The following PPFIA2 variants were observed in gnomAD, a reference collection of about 807,000 sequenced individuals.
PPFIA2 encodes liprin-alpha-2.
A neutral mutation model predicts 175.5 loss-of-function variants in PPFIA2; 46 were observed. The ratio of observed to expected loss-of-function variants is 0.26; its 90% CI spans 0.21 to 0.34. PPFIA2 has a LOEUF of 0.34. Among genes scored for constraint, PPFIA2 ranks in the 10% least tolerant of loss-of-function variants. The pLI, the probability that PPFIA2 is intolerant of heterozygous loss-of-function variation, is 1.00. For synonymous variants in PPFIA2, 568 were observed against 511.4 expected, an observed-to-expected ratio of 1.11 and a Z score of -1.49; for missense variants, 1,179 against 1,506.1, an observed-to-expected ratio of 0.78 and a Z score of 3.60.
intron 11 of PPFIA2, among the ~76,000 whole-genome samples, chr12:81,374,100 A>G (rs1037155690): frequency 6.6e-6 from 1 of 151,980 alleles, no homozygotes; most frequent in African/African-American, 2.4e-5. Context: ...AATTTTGAAC[A>G]CTCTTCAGCG....
chr12:81,452,855 C>A (rs981688584), intron 5 of PPFIA2, among the ~76,000 whole-genome samples: 1 of 151,972 alleles, frequency 6.6e-6, no homozygotes, highest in Non-Finnish European at 1.5e-5. Context: ...GTGTCAAATG[C>A]AATTATGTCT....
intron 15 of PPFIA2, among the ~76,000 whole-genome samples, 198 bp downstream of exon 15, chr12:81,362,495 A>G (rs190862749): frequency 6.6e-6 from 1 of 151,556 alleles, no homozygotes; most frequent in Non-Finnish European, 1.5e-5. Context: ...TTTTTTATTG[A>G]TTATCTACAG....
chr12:81,702,337 A>C (rs1312757630), intron 3 of PPFIA2, among the ~76,000 whole-genome samples: 1 of 152,054 alleles, frequency 6.6e-6, no homozygotes, highest in Admixed American at 6.6e-5. Flanking sequence ...TTCTATTGCC[A>C]TTGACTGCCA....
chr12:81,544,843 CAA>C (rs2066750726), intron 4 of PPFIA2, among the ~76,000 whole-genome samples: 1 of 152,222 alleles, frequency 6.6e-6, no homozygotes, highest in East Asian at 1.9e-4. Context: ...CTGAAGAATT[CAA>C]AGTCCTGAGC....
chr12:81,423,525 G>T (rs139204664), intron 7 of PPFIA2, among the ~76,000 whole-genome samples: 2 of 152,068 alleles, frequency 1.3e-5, no homozygotes, highest in East Asian at 3.9e-4. Flanking sequence ...TACAGAAAAG[G>T]CAAATGAAAA....
chr12:81,604,825 A>G (rs927336335), intron 4 of PPFIA2, among the ~76,000 whole-genome samples: 9 of 151,826 alleles, frequency 5.9e-5, no homozygotes, highest in African/African-American at 2.2e-4. Flanking sequence ...TATCACAACC[A>G]CCTCAATTTT....
intron 14 of PPFIA2, among the ~76,000 whole-genome samples, chr12:81,365,704 T>C (rs116841739): frequency 0.014 from 2,093 of 151,870 alleles, 22 homozygotes; most frequent in Non-Finnish European, 0.02. Context: ...GAAGATCATA[T>C]ATGTCTTTAA....
At chr12:81,472,986 T>C (rs2146358908) in intron 4 of PPFIA2, 1 of 152,328 alleles carries the variant, frequency 6.6e-6, no homozygotes, top group Non-Finnish European at 1.5e-5. Flanking sequence ...TTGCAATTAT[T>C]CATAAGCAGT....
At chr12:81,323,233 T>C (rs959768755) in intron 22 of PPFIA2, among the ~76,000 whole-genome samples, 12 of 151,910 alleles carry the variant, frequency 7.9e-5, no homozygotes, top group African/African-American at 2.9e-4. Flanking sequence ...TGTCTAGTTC[T>C]GGCTATCCTC....
chr12:81,558,750 T>C (rs2069353366), intron 4 of PPFIA2, among the ~76,000 whole-genome samples: 1 of 152,108 alleles, frequency 6.6e-6, no homozygotes, highest in Admixed American at 6.6e-5. Flanking sequence ...TGGGCAGAGC[T>C]GGTGAAAAAG....
intron 22 of PPFIA2, among the ~76,000 whole-genome samples, chr12:81,303,321 C>T (rs2048330015): frequency 6.6e-6 from 1 of 152,056 alleles, no homozygotes; most frequent in Non-Finnish European, 1.5e-5. Context: ...CATCTTTTCC[C>T]AAAGGATCAC....
intron 16 of PPFIA2, among the ~76,000 whole-genome samples, chr12:81,354,553 C>T (rs977832769): frequency 1.3e-5 from 2 of 152,144 alleles, no homozygotes; most frequent in African/African-American, 4.8e-5. Flanking sequence ...GTTATTTTCA[C>T]CACATTTGCA....
chr12:81,684,055 C>A (rs867273582), intron 3 of PPFIA2, among the ~76,000 whole-genome samples: 8 of 152,090 alleles, frequency 5.3e-5, no homozygotes, highest in South Asian at 4.1e-4. Context: ...ATAGTAGGTA[C>A]CATTTCCAAC....
chr12:81,430,309 G>A (rs1340528107), intron 7 of PPFIA2: 2 of 151,828 alleles, frequency 1.3e-5, no homozygotes, highest in Non-Finnish European at 2.9e-5. Context: ...CCTTCCCTTC[G>A]TTGCTGAATT....
At chr12:81,313,275 T>C (rs1253739519) in intron 22 of PPFIA2, among the ~76,000 whole-genome samples, 21 of 152,022 alleles carry the variant, frequency 1.4e-4, no homozygotes, top group Admixed American at 1.4e-3. Context: ...ATAAAACATG[T>C]TCAATATAAC....
In PPFIA2 at chr12:81,347,571, G is replaced by T; in HGVS notation, c.2194C>A (p.Pro732Thr). 6.2e-7 allele frequency: 1 copy of T among 1,613,154 alleles called. No homozygotes were observed. The highest frequency in any genetic ancestry group is 8.5e-7 in the Non-Finnish European group (1 of 1,179,206). ...CCCATCCGATCCATTTCCCTGGCAG[G>T]GCTTCGAGGGGTGAGCTTTGGAGTT... ...HSTPKLTPRS[P>T]AREMDRMGVM... The change falls in exon 18 of 33, where the codon CCT becomes ACT. Residue 732 changes from proline to threonine, a missense_variant. Pro to Thr is a conservative substitution (Grantham distance 38, BLOSUM62 -1). Coordinates refer to ENST00000549396, the MANE Select transcript of PPFIA2 (RefSeq NM_003625.5).
At chr12:81,438,993 A>C (rs1592994546) in intron 7 of PPFIA2, among the ~76,000 whole-genome samples, 1 of 152,080 alleles carries the variant, frequency 6.6e-6, no homozygotes, top group South Asian at 2.1e-4. Flanking sequence ...TGGTTATTTA[A>C]GAGTAAGAAG....
At chr12:81,751,501 A>G (rs2083771109) in intron 3 of PPFIA2, among the ~76,000 whole-genome samples, 1 of 151,006 alleles carries the variant, frequency 6.6e-6, no homozygotes, top group South Asian at 2.1e-4. Flanking sequence ...GGTGCTGCCC[A>G]TAGTCCTTCA....
rs2153509581 is a variant in PPFIA2, at chr12:81,638,012, T to A, written c.303+38779A>T. 2.6e-5 allele frequency among the ~76,000 whole-genome samples: 4 copies of A among 152,268 alleles called. 1 individual carries two copies. Among genetic ancestry groups the A allele is most frequent in the Admixed American group, 2.6e-4 (4 of 15,286 alleles). The stretch of plus-strand genomic sequence containing the variant: ...TTGCTCAGTCACAGAAGAAGAAAAC[T>A]TGTATTCTTTTTCCCCATTACCCGA... On this transcript the variant is annotated intron_variant, in intron 4 of 32. Coordinates refer to ENST00000549396, the MANE Select transcript of PPFIA2 (RefSeq NM_003625.5).
Sources: gnomAD v4.1 joint callset for allele counts (sites outside exome capture counted in the v4.1 genomes callset) on GRCh38, gnomAD v4.1.1 for gene constraint, MANE v1.5 for transcripts, NCBI Gene and HGNC (gene_info 2026-07-23, HGNC 2026-07-21) for gene names.